POLR2K: variants seen among roughly 807,000 people sequenced by gnomAD.
POLR2K encodes the protein RNA polymerase II, I and III subunit K, also known as DNA-directed RNA polymerases I, II, and III subunit RPABC4.
POLR2K carries 9 observed loss-of-function variants against 10.1 expected under a neutral mutation model. That is an observed-to-expected ratio of 0.89 (90% CI 0.54 to 1.56). The LOEUF is 1.56. Among genes scored for constraint, POLR2K ranks in the 40% most tolerant of loss-of-function variants. The probability of loss-of-function intolerance (pLI) is 0.00; values close to 1 mark genes in which losing one functional copy is unlikely to be tolerated. For synonymous variants in POLR2K, 19 were observed against 20.3 expected (o/e 0.94, Z 0.17); for missense variants, 53 against 71.9 (o/e 0.74, Z 0.95).
intron 3 of POLR2K, 26 bp downstream of exon 3, chr8:100,151,942 A>T (rs759158248): frequency 2.0e-6 from 2 of 1,017,474 alleles, no homozygotes; most frequent in African/African-American, 1.6e-5. Flanking sequence ...TGCTTTCTAA[A>T]TATGAGTTAG....
chr8:100,152,913 A>G (rs774028997), intron 3 of POLR2K, among the ~76,000 whole-genome samples: 1 of 151,812 alleles, frequency 6.6e-6, no homozygotes, highest in Non-Finnish European at 1.5e-5. Flanking sequence ...GACTACAGGC[A>G]CCCGCCACCA....
intron 1 of POLR2K, among the ~76,000 whole-genome samples, chr8:100,151,038 G>A (rs79302326): frequency 1.3e-5 from 2 of 152,206 alleles, no homozygotes; most frequent in African/African-American, 2.4e-5. Flanking sequence ...TTTAGTAGCT[G>A]AGTGATCCTG....
At chr8:100,152,775 T>G (rs1814937201) in intron 3 of POLR2K, among the ~76,000 whole-genome samples, 1 of 150,488 alleles carries the variant, frequency 6.6e-6, no homozygotes, top group Non-Finnish European at 1.5e-5. Context: ...TTGTTTTTTG[T>G]TTTTTTTTGA....
At chr8:100,151,466 GA>G (rs1255824226) in intron 2 of POLR2K, 50 bp downstream of exon 2, 2 of 1,175,020 alleles carry the variant, frequency 1.7e-6, no homozygotes, top group South Asian at 2.5e-5. Context: ...AAGTTTTTTT[GA>G]AATTGTTACA....
intron 3 of POLR2K, 123 bp downstream of exon 3, chr8:100,152,039 A>G (rs1814927214): frequency 1.5e-6 from 1 of 666,270 alleles, no homozygotes; most frequent in Admixed American, 3.1e-5. Context: ...AAAAACAAAC[A>G]TGATTAGCAT....
rs572027990 is a variant in POLR2K at position 100,153,966 on chromosome 8, C to T, written c.*650C>T. 4 of 152,166 alleles carry T rather than the reference C, an allele frequency of 2.6e-5. No individual in the cohort carries two copies. Among genetic ancestry groups the T allele is most frequent in the South Asian group, 2.1e-4 (1 of 4,828 alleles). 9.4% of individuals were successfully genotyped at this position (152,166 alleles called of 1,614,324 possible). A position where few individuals can be genotyped will look rare whatever the true frequency, so the allele number is the denominator to read the frequency against. On this transcript the variant is annotated 3_prime_UTR_variant, in exon 4 of 4. Coordinates refer to ENST00000353107, the MANE Select transcript of POLR2K (RefSeq NM_005034.4). Reference sequence around the variant, plus strand: ...GTTAAAAATGCAGGTTTCTAGAACCCTCTGAAGTTCTGATTAAATAAATTT... The same window carrying T: ...GTTAAAAATGCAGGTTTCTAGAACCTTCTGAAGTTCTGATTAAATAAATTT...
At chr8:100,152,175 G>T (rs73276997) in intron 3 of POLR2K, 2 of 560,290 alleles carry the variant, frequency 3.6e-6, no homozygotes, top group South Asian at 2.3e-5. Flanking sequence ...TCTGAGAATT[G>T]TGTCCTTAAG....
intron 2 of POLR2K, 98 bp downstream of exon 2, chr8:100,151,514 G>A: frequency 1.2e-6 from 1 of 838,184 alleles, no homozygotes; most frequent in Non-Finnish European, 2.0e-6. Context: ...GGTCTTCAGA[G>A]TTATAAAGTA....
At chr8:100,151,535 G>A in intron 2 of POLR2K, 119 bp downstream of exon 2, 1 of 731,552 alleles carries the variant, frequency 1.4e-6, no homozygotes, top group South Asian at 1.7e-5. Context: ...GAACACTTTA[G>A]CAACCATAAA....
intron 1 of POLR2K, 108 bp from the exon 2 acceptor site, chr8:100,151,239 G>A (rs912485929): frequency 3.8e-6 from 3 of 790,578 alleles, no homozygotes; most frequent in Non-Finnish European, 6.9e-6. Flanking sequence ...TTGGGGAAAG[G>A]AACAGATTAG....
rs962922651 is a variant in POLR2K, at chr8:100,153,433, T to C, written c.*117T>C. ...GTAGTTCCCCCTTATCTTCGGGAGA[T>C]ACATTCCAAGGCCCCCAGTGAACTC... On this transcript the variant is annotated 3_prime_UTR_variant, in exon 4 of 4. Coordinates refer to ENST00000353107, the MANE Select transcript of POLR2K (RefSeq NM_005034.4). 2.2e-5 allele frequency: 19 copies of C among 869,704 alleles called. No homozygotes were observed. Among genetic ancestry groups the C allele is most frequent in the African/African-American group, 1.7e-4 (10 of 59,306 alleles). The allele number at this position is 869,704 out of a possible 1,614,324, so 53.9% of individuals were successfully genotyped here. A position where few individuals can be genotyped will look rare whatever the true frequency, so the allele number is the denominator to read the frequency against.
chr8:100,152,816 T>A (rs964480868), intron 3 of POLR2K, among the ~76,000 whole-genome samples: 4 of 152,132 alleles, frequency 2.6e-5, no homozygotes, highest in South Asian at 2.1e-4. Flanking sequence ...CCCAGGCTGG[T>A]GTGCAGTGAC....
In POLR2K at chr8:100,152,825, A is replaced by G. The variant is rs111274023; in HGVS notation, c.155-469A>G. On this transcript the variant is annotated intron_variant, in intron 3 of 3. Transcript: ENST00000353107. ...CTGTCACCCAGGCTGGTGTGCAGTG[A>G]CGCAATCTCGGCTCACATTGCAAGC... 6.0e-3 allele frequency among the ~76,000 whole-genome samples: 918 copies of G among 151,848 alleles called. 15 individuals carry two copies. The highest frequency in any genetic ancestry group is 0.022 in the African/African-American group (890 of 41,368).
rs144763288 is a variant in POLR2K at position 100,151,858 on chromosome 8, T to C, written c.96T>C (p.Asp32=). 1.3e-4 allele frequency: 198 copies of C among 1,571,176 alleles called. No individual in the cohort carries two copies. Among genetic ancestry groups the C allele is most frequent in the Non-Finnish European group, 1.7e-4 (192 of 1,146,078 alleles). Residue 32 remains aspartate (D), a synonymous_variant, in exon 3 of 4, where the codon GAT becomes GAC. Transcript: ENST00000353107. ...CAGAAAATGAAATAAAATCTAGGGA[T>C]CCAATCAGATGCAGAGAATGTGGAT... ...CHTENEIKSR[D]PIRCRECGYR... is the part of the protein sequence containing the mutation.
chr8:100,152,711 C>G (rs936069769), intron 3 of POLR2K, among the ~76,000 whole-genome samples: 4 of 152,132 alleles, frequency 2.6e-5, no homozygotes, highest in Non-Finnish European at 5.9e-5. Flanking sequence ...AACTAACACA[C>G]ATTGTAAATC....
rs1814903467 is a variant in POLR2K, at chr8:100,150,652, A to G, written c.-67A>G. On this transcript the variant is annotated 5_prime_UTR_variant, in exon 1 of 4. Coordinates refer to ENST00000353107, the MANE Select transcript of POLR2K (RefSeq NM_005034.4). ...ACCAGCGCCGGAAGTTGGTCTCGAC[A>G]CCTGGACTAGCCGGGTTGTATTTGG... is the stretch of plus-strand genomic sequence containing the variant. The G allele has an allele frequency of 6.6e-6, 1 of 152,438 alleles. No homozygotes were observed. Among genetic ancestry groups the G allele is most frequent in the Non-Finnish European group, 1.5e-5 (1 of 68,248 alleles). 9.4% of individuals were successfully genotyped at this position (152,438 alleles called of 1,614,324 possible). A position where few individuals can be genotyped will look rare whatever the true frequency, so the allele number is the denominator to read the frequency against.
intron 3 of POLR2K, among the ~76,000 whole-genome samples, chr8:100,152,375 T>G (rs996668595): frequency 6.6e-6 from 1 of 152,222 alleles, no homozygotes; most frequent in African/African-American, 2.4e-5. Context: ...TAGAGTATAA[T>G]CTTATGCGAC....
At chr8:100,152,159 A>C (rs1385421901) in intron 3 of POLR2K, 3 of 570,876 alleles carry the variant, frequency 5.3e-6, no homozygotes, top group Non-Finnish European at 9.1e-6. Flanking sequence ...GAGGATAGGG[A>C]TACATTCTGA....
chr8:100,152,062 A>G (rs536516341), intron 3 of POLR2K, 146 bp downstream of exon 3: 13 of 645,232 alleles, frequency 2.0e-5, no homozygotes, highest in Non-Finnish European at 3.0e-5. Context: ...TCATGGACCA[A>G]TGCATAGGCT....
Sources: allele counts gnomAD v4.1 joint callset (sites outside exome capture counted in the v4.1 genomes callset), GRCh38; gene constraint gnomAD v4.1.1; transcripts MANE v1.5; gene names NCBI Gene and HGNC (gene_info 2026-07-23, HGNC 2026-07-21).